Variants in AGBL1 observed in about 807,000 individuals in gnomAD.
AGBL1 encodes the protein cytosolic carboxypeptidase 4.
In AGBL1, 130 loss-of-function variants were observed where a neutral mutation model predicts 118.9. The observed-to-expected ratio is 1.09, with a 90% confidence interval of 0.95 to 1.26. AGBL1 has a LOEUF of 1.26. AGBL1 is among the 50% of genes most tolerant of loss of function. AGBL1 has a pLI of 0.00. For synonymous variants in AGBL1, 555 were observed against 478.9 expected (o/e 1.16, Z -2.08); for missense variants, 1,584 against 1,298.1 (o/e 1.22, Z -3.38).
chr15:86,415,948 C>T (rs2081687857), intron 18 of AGBL1, among the ~76,000 whole-genome samples: 2 of 152,078 alleles, frequency 1.3e-5, no homozygotes, highest in African/African-American at 4.8e-5. Context: ...AAACAAGTGC[C>T]TATATGTCAT....
intron 1 of AGBL1, among the ~76,000 whole-genome samples, chr15:86,092,267 A>G (rs1221601260): frequency 6.6e-6 from 1 of 152,194 alleles, no homozygotes; most frequent in African/African-American, 2.4e-5. Context: ...TTGAGAACCT[A>G]TGCCATGTGA....
Position 86,910,843 on chromosome 15 carries a change from G to C in AGBL1, c.*3549G>C, listed in dbSNP as rs2080340545. On this transcript the variant is annotated 3_prime_UTR_variant, in exon 23 of 23. Transcript: ENST00000614907. ...GAAGGCAATTGATTGGAGGGAAGAG[G>C]GGACTTGGGAGCAGACCTCTCTCCT... 6.6e-6 allele frequency: 1 copy of C among 152,116 alleles called. No homozygotes were observed. Among genetic ancestry groups the C allele is most frequent in the African/African-American group, 2.4e-5 (1 of 41,400 alleles). The allele number at this position is 152,116 out of a possible 1,614,324, so 9.4% of individuals were successfully genotyped here. A position where few individuals can be genotyped will look rare whatever the true frequency, so the allele number is the denominator to read the frequency against.
chr15:86,419,210 C>T (rs2081749173), intron 18 of AGBL1, among the ~76,000 whole-genome samples: 1 of 151,990 alleles, frequency 6.6e-6, no homozygotes, highest in South Asian at 2.1e-4. Context: ...TAGCTCCTAC[C>T]GAGATCAACA....
At chr15:86,409,194 A>T (rs2048786082) in intron 18 of AGBL1, among the ~76,000 whole-genome samples, 1 of 152,164 alleles carries the variant, frequency 6.6e-6, no homozygotes, top group South Asian at 2.1e-4. Context: ...ACCCATGAAG[A>T]ACATGGCACT....
rs1460820444 is a variant in AGBL1 at position 86,735,653 on chromosome 15, G to GATATATATATATATATAT, written c.3158+61218_3158+61219insTATATATATATATATATA. 7.1e-4 allele frequency among the ~76,000 whole-genome samples: 102 copies of GATATATATATATATATAT among 143,072 alleles called. 5 individuals carry two copies. The East Asian group carries it at 0.012, about 16-fold the overall frequency. The allele number at this position is 143,072 out of a possible 152,430, so 93.9% of individuals were successfully genotyped here. A position where few individuals can be genotyped will look rare whatever the true frequency, so the allele number is the denominator to read the frequency against. On this transcript the variant is annotated intron_variant, in intron 22 of 22. Coordinates refer to ENST00000614907, the MANE Select transcript of AGBL1 (RefSeq NM_001386094.1). ...GTGTGTGTATTTCCTGCTACAAAGA[G>GATATATATATATATATAT]AGATATATATATATATTTTATTTGT...
rs199936794 is a variant in AGBL1, at chr15:86,616,339, C to CAAAAAAA, written c.2995-57907_2995-57901dup. On this transcript the variant is annotated intron_variant, in intron 21 of 22. Transcript: ENST00000614907. ...GTGACAGAGCAAGACTCCTCCACTT[C>CAAAAAAA]AAAAAAAAAAAAAAAAAAAAAAAAA... 2.0e-3 allele frequency among the ~76,000 whole-genome samples: 99 copies of CAAAAAAA among 49,250 alleles called. 2 individuals are homozygous for CAAAAAAA. The highest frequency in any genetic ancestry group is 6.8e-3 in the African/African-American group (95 of 14,028). The allele number at this position is 49,250 out of a possible 152,430, so 32.3% of individuals were successfully genotyped here.
chr15:86,269,368 T>C (rs1490331820), intron 13 of AGBL1, among the ~76,000 whole-genome samples: 3 of 152,228 alleles, frequency 2.0e-5, no homozygotes, highest in East Asian at 1.9e-4. Context: ...AAAAGTAACG[T>C]TGATCTCAAA....
rs1347494126 is a variant in AGBL1, at chr15:87,023,478, T to TAAAAC, written c.3324-5344_3324-5340dup. The stretch of plus-strand genomic sequence containing the variant: ...CCTAACACTGGAGCTCCCAAATTTA[T>TAAAAC]AAAACAATTACTAATAGACCTAAGA... On this transcript the variant is annotated intron_variant, in intron 24 of 24. Coordinates refer to the AGBL1 transcript ENST00000441037. 3.3e-5 allele frequency among the ~76,000 whole-genome samples: 5 copies of TAAAAC among 152,036 alleles called. No homozygotes were observed. The East Asian group carries it at 9.6e-4, about 29-fold the overall frequency.
chr15:86,149,805 C>G (rs142161309), intron 3 of AGBL1, among the ~76,000 whole-genome samples: 1 of 152,294 alleles, frequency 6.6e-6, no homozygotes, highest in East Asian at 1.9e-4. Flanking sequence ...ACTCTCCACC[C>G]CAAATCAACA....
chr15:86,996,246 G>C (rs1330553403), intron 24 of AGBL1, among the ~76,000 whole-genome samples: 1 of 151,960 alleles, frequency 6.6e-6, no homozygotes. Context: ...GAGTATGCTT[G>C]TGTAACTATC....
chr15:86,693,555 C>G (rs1381719806), intron 22 of AGBL1, among the ~76,000 whole-genome samples: 1 of 152,090 alleles, frequency 6.6e-6, no homozygotes, highest in Non-Finnish European at 1.5e-5. Flanking sequence ...TGTGTGCTCT[C>G]TGTTTACTCT....
intron 22 of AGBL1, among the ~76,000 whole-genome samples, chr15:86,817,911 A>G (rs1034013528): frequency 2.0e-5 from 3 of 152,202 alleles, no homozygotes; most frequent in East Asian, 1.9e-4. Context: ...AGACAAACAC[A>G]TAGAAAGAAG....
chr15:86,082,669 C>T (rs528120690), intron 1 of AGBL1, among the ~76,000 whole-genome samples: 2 of 152,350 alleles, frequency 1.3e-5, no homozygotes, highest in East Asian at 1.9e-4. Flanking sequence ...TAACTTTTTC[C>T]TGCACACATG....
intron 23 of AGBL1, among the ~76,000 whole-genome samples, chr15:86,946,803 C>T (rs1257614545): frequency 2.4e-5 from 3 of 127,156 alleles, no homozygotes; most frequent in African/African-American, 8.3e-5. Flanking sequence ...AAAATCATGC[C>T]ATTGCACTCC....
intron 22 of AGBL1, among the ~76,000 whole-genome samples, chr15:86,703,301 T>C (rs1167904497): frequency 6.6e-6 from 1 of 152,168 alleles, no homozygotes; most frequent in Non-Finnish European, 1.5e-5. Flanking sequence ...TGCCTCTTAA[T>C]GAGCATAACA....
At chr15:86,661,357 C>T (rs1450501311) in intron 21 of AGBL1, among the ~76,000 whole-genome samples, 1 of 152,024 alleles carries the variant, frequency 6.6e-6, no homozygotes, top group Non-Finnish European at 1.5e-5. Flanking sequence ...GAGTCACCTT[C>T]AAGAATTCAG....
At chr15:86,335,208 G>A (rs1219584645) in intron 17 of AGBL1, among the ~76,000 whole-genome samples, 1 of 151,526 alleles carries the variant, frequency 6.6e-6, no homozygotes, top group East Asian at 1.9e-4. Context: ...GCGTGATCTC[G>A]GCTCACTGCA....
chr15:86,511,207 C>G (rs1367854589), intron 18 of AGBL1, among the ~76,000 whole-genome samples: 1 of 151,974 alleles, frequency 6.6e-6, no homozygotes, highest in African/African-American at 2.4e-5. Context: ...TAGAAGAAAA[C>G]CACAAGGATG....
At chr15:86,261,823 T>C (rs538971435) in intron 9 of AGBL1, among the ~76,000 whole-genome samples, 1 of 152,190 alleles carries the variant, frequency 6.6e-6, no homozygotes, top group Non-Finnish European at 1.5e-5. Flanking sequence ...CTGGGATTAT[T>C]CAGTCCAATA....
Sources: gnomAD v4.1 joint callset for allele counts (sites outside exome capture counted in the v4.1 genomes callset) on GRCh38, gnomAD v4.1.1 for gene constraint, MANE v1.5 for transcripts, NCBI Gene and HGNC (gene_info 2026-07-23, HGNC 2026-07-21) for gene names.